Variants in CDH13 observed in about 807,000 individuals in gnomAD.
CDH13 encodes the protein cadherin 13.
In CDH13, 24 loss-of-function variants were observed where a neutral mutation model predicts 63.8. The observed-to-expected ratio is 0.38, with a 90% CI of 0.27 to 0.53. The LOEUF is 0.53. Ranked by LOEUF, CDH13 falls within the 20% of genes least tolerant of loss-of-function variation. The pLI is 0.85. For synonymous variants in CDH13, 503 were observed against 355.3 expected (o/e 1.42, Z -4.67); for missense variants, 1,049 against 903.1 (o/e 1.16, Z -2.07).
chr16:82,908,729 C>T (rs1010156406), intron 2 of CDH13, among the ~76,000 whole-genome samples: 1 of 152,072 alleles, frequency 6.6e-6, no homozygotes, highest in East Asian at 1.9e-4. Flanking sequence ...ATCCAGAAAC[C>T]TCTGTGAATA....
chr16:83,548,841 T>C lies in CDH13; in HGVS notation c.961-53613T>C, dbSNP rs141169028. On this transcript the variant is annotated intron_variant, in intron 7 of 13. Transcript: ENST00000567109. ...TTTTCTGCCCTAGAGGAGAAACCTATGATCCTTGCATTAGAATGGTTTTCC... is the reference window on the plus strand; with the variant it reads ...TTTTCTGCCCTAGAGGAGAAACCTACGATCCTTGCATTAGAATGGTTTTCC... 7.2e-5 allele frequency among the ~76,000 whole-genome samples: 11 copies of C among 152,286 alleles called. 1 individual carries two copies. Among genetic ancestry groups the C allele is most frequent in the African/African-American group, 2.4e-4 (10 of 41,558 alleles).
At chr16:83,295,857 C>T (rs11642338) in intron 5 of CDH13, among the ~76,000 whole-genome samples, 143,077 of 152,278 alleles carry the variant, frequency 0.94, 67,851 homozygotes, top group East Asian at 1. Flanking sequence ...GTCAAAGAGA[C>T]GTCTGCACTT....
intron 1 of CDH13, among the ~76,000 whole-genome samples, chr16:82,674,134 C>G (rs1246452082): frequency 1.3e-5 from 2 of 152,152 alleles, no homozygotes; most frequent in African/African-American, 4.8e-5. Context: ...ATGGCAGACA[C>G]TTGTAATGAG....
chr16:82,996,430 G>C (rs1193812726), intron 2 of CDH13, among the ~76,000 whole-genome samples: 2 of 151,980 alleles, frequency 1.3e-5, no homozygotes, highest in African/African-American at 2.4e-5. Flanking sequence ...GCAAAAGCCA[G>C]CCCAGGACCC....
chr16:82,700,833 C>A (rs539002566), intron 1 of CDH13, among the ~76,000 whole-genome samples: 1 of 151,110 alleles, frequency 6.6e-6, no homozygotes, highest in Admixed American at 6.6e-5. Context: ...TTCTATATAG[C>A]CGCTATCCCA....
At chr16:83,447,372 GC>G (rs1261936512) in intron 6 of CDH13, among the ~76,000 whole-genome samples, 1 of 151,766 alleles carries the variant, frequency 6.6e-6, no homozygotes, top group Non-Finnish European at 1.5e-5. Flanking sequence ...CTGAGATCAC[GC>G]CACTGCACTC....
intron 8 of CDH13, among the ~76,000 whole-genome samples, chr16:83,625,646 G>T (rs188109240): frequency 6.6e-6 from 1 of 152,310 alleles, no homozygotes; most frequent in Admixed American, 6.5e-5. Context: ...CTTCGAAAAA[G>T]TGGTGGGTCT....
intron 2 of CDH13, among the ~76,000 whole-genome samples, chr16:82,911,856 C>T (rs1399230914): frequency 6.6e-6 from 1 of 151,984 alleles, no homozygotes; most frequent in African/African-American, 2.4e-5. Flanking sequence ...CTGTTTTGAG[C>T]TGAGGGCACC....
At chr16:83,112,498 T>C (rs1197090602) in intron 3 of CDH13, among the ~76,000 whole-genome samples, 4 of 152,206 alleles carry the variant, frequency 2.6e-5, no homozygotes, top group Non-Finnish European at 5.9e-5. Flanking sequence ...AATGTGTTTT[T>C]AGGTGTTTGT....
chr16:82,990,438 C>G (rs1463961181), intron 2 of CDH13: 6 of 152,170 alleles, frequency 3.9e-5, no homozygotes, highest in African/African-American at 1.4e-4. Context: ...GGACCTGGGC[C>G]CCTCCTGGAC....
chr16:82,775,517 G>A (rs942418841), intron 1 of CDH13, among the ~76,000 whole-genome samples: 21 of 152,188 alleles, frequency 1.4e-4, no homozygotes, highest in African/African-American at 4.6e-4. Flanking sequence ...GATGAGCTAA[G>A]CGTTTAAAAC....
chr16:83,577,318 A>G (rs774542120), intron 7 of CDH13, among the ~76,000 whole-genome samples: 1 of 152,206 alleles, frequency 6.6e-6, no homozygotes, highest in Non-Finnish European at 1.5e-5. Flanking sequence ...ATAGGAGAAG[A>G]TGAGGTTTCC....
At chr16:83,366,486 C>T (rs769804955) in intron 6 of CDH13, among the ~76,000 whole-genome samples, 6 of 152,164 alleles carry the variant, frequency 3.9e-5, no homozygotes, top group Non-Finnish European at 7.3e-5. Flanking sequence ...CAATTCACCT[C>T]GCTTTCCCAG....
intron 3 of CDH13, among the ~76,000 whole-genome samples, chr16:83,093,863 A>G (rs553163992): frequency 6.6e-6 from 1 of 152,224 alleles, no homozygotes; most frequent in East Asian, 1.9e-4. Context: ...CCCAGAAAGC[A>G]CTTGCAATAG....
At chr16:83,776,258 T>C (rs925494546) in intron 11 of CDH13, among the ~76,000 whole-genome samples, 2 of 152,230 alleles carry the variant, frequency 1.3e-5, no homozygotes, top group African/African-American at 4.8e-5. Context: ...AAATGACTTG[T>C]CTTCATAATA....
chr16:83,116,012 T>A (rs907591494), intron 3 of CDH13, among the ~76,000 whole-genome samples: 5 of 152,168 alleles, frequency 3.3e-5, no homozygotes, highest in Non-Finnish European at 7.3e-5. Context: ...GGAAGTAGGA[T>A]CATTCCTCTC....
chr16:83,120,321 G>A (rs138809015), intron 3 of CDH13, among the ~76,000 whole-genome samples: 2 of 152,320 alleles, frequency 1.3e-5, no homozygotes, highest in Non-Finnish European at 2.9e-5. Flanking sequence ...ACCAGAGGTA[G>A]GATGGGGATG....
At chr16:82,652,398 C>T (rs558169369) in intron 1 of CDH13, among the ~76,000 whole-genome samples, 11 of 152,158 alleles carry the variant, frequency 7.2e-5, no homozygotes, top group African/African-American at 2.2e-4. Context: ...AACGACCTCT[C>T]GTTATATATC....
intron 6 of CDH13, among the ~76,000 whole-genome samples, chr16:83,443,980 T>C (rs1598033907): frequency 6.8e-6 from 1 of 145,996 alleles, no homozygotes; most frequent in Non-Finnish European, 1.5e-5. Context: ...CAGGTGATGG[T>C]GTTGATTATG....
Sources: allele counts gnomAD v4.1 joint callset (sites outside exome capture counted in the v4.1 genomes callset), GRCh38; gene constraint gnomAD v4.1.1; transcripts MANE v1.5; gene names NCBI Gene and HGNC (gene_info 2026-07-23, HGNC 2026-07-21).